Variants in ACOXL observed in about 807,000 individuals in gnomAD.
The protein encoded by ACOXL is acyl-coenzyme A oxidase-like protein.
In ACOXL, 70 loss-of-function variants were observed where a neutral mutation model predicts 71.9. That is an observed-to-expected ratio of 0.97 (90% CI 0.80 to 1.19). ACOXL has a LOEUF of 1.19. Among genes scored for constraint, ACOXL ranks in the 50% most tolerant of loss-of-function variants. ACOXL has a pLI of 0.00. For missense variants in ACOXL, 703 were observed against 736.3 expected (o/e 0.95, Z 0.52); for synonymous variants, 253 against 281.6 (o/e 0.90, Z 1.02).
intron 10 of ACOXL, among the ~76,000 whole-genome samples, chr2:110,874,362 C>A (rs547500990): frequency 1.3e-4 from 20 of 152,228 alleles, no homozygotes; most frequent in Non-Finnish European, 2.1e-4. Flanking sequence ...CCACCCCAGC[C>A]CCTGGTTTCC....
intron 3 of ACOXL, among the ~76,000 whole-genome samples, chr2:110,791,915 G>T (rs1260736022): frequency 6.6e-6 from 1 of 152,186 alleles, no homozygotes; most frequent in Non-Finnish European, 1.5e-5. Flanking sequence ...CAGGCTTCAG[G>T]TCTGGGTGTG....
intron 9 of ACOXL, among the ~76,000 whole-genome samples, chr2:110,830,595 G>A (rs942361487): frequency 1.2e-4 from 18 of 151,656 alleles, no homozygotes; most frequent in African/African-American, 4.4e-4. Context: ...GTGCAGTGGC[G>A]CAATCTCGGC....
At chr2:110,965,364 A>G (rs2061879863) in intron 12 of ACOXL, among the ~76,000 whole-genome samples, 1 of 152,094 alleles carries the variant, frequency 6.6e-6, no homozygotes, top group African/African-American at 2.4e-5. Flanking sequence ...GCTGGATCGT[A>G]GGGTAGTTCT....
Position 110,886,953 on chromosome 2 carries a change from T to C in ACOXL, c.789-21836T>C. On this transcript the variant is annotated intron_variant, in intron 10 of 17. Coordinates refer to ENST00000439055, the MANE Select transcript of ACOXL (RefSeq NM_001142807.4). ...TTTCCCGTGGCAGATCCCTATAGGC[T>C]TCTCACTGCACTATCCCAAACTTTT... is the stretch of plus-strand genomic sequence containing the variant. The C allele has an allele frequency of 2.2e-6, 3 of 1,361,582 alleles. 1 individual carries two copies. Among genetic ancestry groups the C allele is most frequent in the Non-Finnish European group, 3.0e-6 (3 of 989,862 alleles). The allele number at this position is 1,361,582 out of a possible 1,614,324, so 84.3% of individuals were successfully genotyped here. A position where few individuals can be genotyped will look rare whatever the true frequency, so the allele number is the denominator to read the frequency against.
intron 16 of ACOXL, among the ~76,000 whole-genome samples, chr2:111,083,099 G>T (rs2068012391): frequency 6.6e-6 from 1 of 152,018 alleles, no homozygotes. Context: ...GGGTTGATGG[G>T]TTCAGCAAAC....
At chr2:110,760,874 T>C (rs1680315491) in intron 1 of ACOXL, among the ~76,000 whole-genome samples, 1 of 152,178 alleles carries the variant, frequency 6.6e-6, no homozygotes, top group Non-Finnish European at 1.5e-5. Context: ...TTTACCAATA[T>C]TTTAATGGCC....
chr2:110,744,617 C>T (rs577155308), intron 1 of ACOXL, among the ~76,000 whole-genome samples: 1 of 152,314 alleles, frequency 6.6e-6, no homozygotes, highest in East Asian at 1.9e-4. Context: ...TCACACTCCT[C>T]CCACACTTTG....
intron 5 of ACOXL, among the ~76,000 whole-genome samples, chr2:110,794,946 C>T (rs1171382645): frequency 6.6e-6 from 1 of 151,820 alleles, no homozygotes; most frequent in Non-Finnish European, 1.5e-5. Flanking sequence ...CGCACCCCGC[C>T]CCCGCCCCTC....
intron 14 of ACOXL, among the ~76,000 whole-genome samples, chr2:110,996,759 G>C (rs184726365): frequency 6.6e-6 from 1 of 152,240 alleles, no homozygotes; most frequent in African/African-American, 2.4e-5. Flanking sequence ...GAATTTCAAG[G>C]TCATGTCTCC....
intron 10 of ACOXL, among the ~76,000 whole-genome samples, chr2:110,886,380 C>CTTTTTTTTTTTTT (rs751607372): frequency 7.6e-6 from 1 of 131,488 alleles, no homozygotes; most frequent in Non-Finnish European, 1.6e-5. Context: ...CCTTCTTTTT[C>CTTTTTTTTTTTTT]TTTTTTTTTT....
intron 12 of ACOXL, among the ~76,000 whole-genome samples, chr2:110,940,602 C>T (rs187743230): frequency 6.6e-6 from 1 of 152,204 alleles, no homozygotes; most frequent in African/African-American, 2.4e-5. Flanking sequence ...CAGCCCCTCA[C>T]GTTTGGCCTC....
At chr2:110,987,987 T>A (rs980858124) in intron 13 of ACOXL, among the ~76,000 whole-genome samples, 4 of 152,230 alleles carry the variant, frequency 2.6e-5, no homozygotes, top group Admixed American at 2.6e-4. Flanking sequence ...AGAAATACAC[T>A]TTAAATCACC....
At chr2:111,036,442 A>G (rs2065519286) in intron 15 of ACOXL, among the ~76,000 whole-genome samples, 1 of 152,218 alleles carries the variant, frequency 6.6e-6, no homozygotes, top group African/African-American at 2.4e-5. Flanking sequence ...GAAACCAGTG[A>G]GAAGGTCTGT....
At position 110,992,894 on chromosome 2, in the gene ACOXL, C is replaced by A. The variant is rs564034657; in HGVS notation, c.1170-2999C>A. Among the ~76,000 whole-genome samples, 6 of 152,292 alleles carry A rather than the reference C, an allele frequency of 3.9e-5. No individual in the cohort carries two copies. In the South Asian group the frequency reaches 1.2e-3, roughly 32 times the overall value. ...ACCCAACGTGTTTTTCTACATTATG[C>A]TGTAAAATTTACAAATATTCAGCAA... On this transcript the variant is annotated intron_variant, in intron 13 of 17. Coordinates refer to ENST00000439055, the MANE Select transcript of ACOXL (RefSeq NM_001142807.4).
intron 3 of ACOXL, among the ~76,000 whole-genome samples, chr2:110,786,867 TC>T (rs1684022659): frequency 6.6e-6 from 1 of 152,222 alleles, no homozygotes; most frequent in African/African-American, 2.4e-5. Context: ...AAATTATGTA[TC>T]AGTTGGGGAA....
At chr2:110,828,613 C>T (rs542618045) in intron 9 of ACOXL, among the ~76,000 whole-genome samples, 6 of 152,320 alleles carry the variant, frequency 3.9e-5, no homozygotes, top group South Asian at 4.1e-4. Context: ...GAGCACTTTG[C>T]GTACGTCATC....
intron 11 of ACOXL, among the ~76,000 whole-genome samples, chr2:110,921,428 T>C (rs899505922): frequency 7.5e-6 from 1 of 133,384 alleles, no homozygotes; most frequent in Non-Finnish European, 1.6e-5. Context: ...AGTCTTGCAT[T>C]GTTTCCCAGG....
At chr2:110,766,031 GT>G (rs566023989) in intron 1 of ACOXL, among the ~76,000 whole-genome samples, 5 of 151,960 alleles carry the variant, frequency 3.3e-5, no homozygotes, top group African/African-American at 7.2e-5. Flanking sequence ...ACAATTTTCT[GT>G]TTTTTTCCCC....
intron 15 of ACOXL, among the ~76,000 whole-genome samples, chr2:111,035,199 A>G (rs556821304): frequency 1.3e-5 from 2 of 152,182 alleles, no homozygotes; most frequent in Admixed American, 6.5e-5. Context: ...CCAGATGACA[A>G]TGAACTCAGA....
Sources: allele counts gnomAD v4.1 joint callset (sites outside exome capture counted in the v4.1 genomes callset), GRCh38; gene constraint gnomAD v4.1.1; transcripts MANE v1.5; gene names NCBI Gene and HGNC (gene_info 2026-07-23, HGNC 2026-07-21).